The following THSD7A variants were observed in gnomAD, a reference collection of about 807,000 sequenced individuals.
The protein encoded by THSD7A is thrombospondin type-1 domain-containing protein 7A.
A neutral mutation model predicts 231.3 loss-of-function variants in THSD7A; 96 were observed. The observed-to-expected ratio is 0.41, with a 90% CI of 0.35 to 0.49. The LOEUF is 0.49. Ranked by LOEUF, THSD7A falls within the 20% of genes least tolerant of loss-of-function variation. The pLI is 0.05. For missense variants in THSD7A, 2,290 were observed against 2,070.2 expected, an observed-to-expected ratio of 1.11 and a Z score of -2.06; for synonymous variants, 940 against 743.3, an observed-to-expected ratio of 1.26 and a Z score of -4.30.
At chr7:11,484,590 C>G (rs977085954) in intron 6 of THSD7A, among the ~76,000 whole-genome samples, 2 of 151,990 alleles carry the variant, frequency 1.3e-5, no homozygotes, top group Admixed American at 1.3e-4. Context: ...GGGTGTTATC[C>G]GTATCTGTCT....
intron 4 of THSD7A, among the ~76,000 whole-genome samples, chr7:11,577,055 C>A (rs984130685): frequency 6.6e-6 from 1 of 152,164 alleles, no homozygotes; most frequent in Admixed American, 6.5e-5. Context: ...GAAAATTATT[C>A]TCTAATTATC....
At chr7:11,479,795 T>G (rs1253155236) in intron 7 of THSD7A, among the ~76,000 whole-genome samples, 1 of 152,200 alleles carries the variant, frequency 6.6e-6, no homozygotes, top group Non-Finnish European at 1.5e-5. Context: ...TTATACCAGC[T>G]TTTATAAATG....
chr7:11,454,839 G>C (rs944094040), intron 11 of THSD7A, among the ~76,000 whole-genome samples: 1 of 151,916 alleles, frequency 6.6e-6, no homozygotes, highest in Non-Finnish European at 1.5e-5. Flanking sequence ...TTAGAAATTT[G>C]AGTTACCTGT....
intron 1 of THSD7A, among the ~76,000 whole-genome samples, chr7:11,750,335 T>A (rs1392114029): frequency 2.0e-5 from 3 of 151,860 alleles, no homozygotes; most frequent in African/African-American, 7.2e-5. Flanking sequence ...CAGGACGGTA[T>A]CAGTAACATT....
intron 6 of THSD7A, among the ~76,000 whole-genome samples, chr7:11,510,303 G>C (rs1787750230): frequency 6.6e-6 from 1 of 152,146 alleles, no homozygotes; most frequent in African/African-American, 2.4e-5. Flanking sequence ...ACCAAAAAAA[G>C]TCCTGGACCA....
rs1784607996 is a variant in THSD7A, at chr7:11,814,003, TG to T, written c.190+17753del. Reference sequence around the variant, plus strand: ...AATTCTAATACATGTAAAACATGGATGGACTTTGAAAACATGATGCGAAATA... The same window carrying T: ...AATTCTAATACATGTAAAACATGGATGACTTTGAAAACATGATGCGAAATA... On this transcript the variant is annotated intron_variant, in intron 1 of 27. Coordinates refer to ENST00000423059, the MANE Select transcript of THSD7A (RefSeq NM_015204.3). This position sits in a 1 kb window ranked among gnomAD's most constrained non-coding sequence, Gnocchi z 5.1. 6.6e-6 allele frequency among the ~76,000 whole-genome samples: 1 copy of T among 152,130 alleles called. No homozygotes were observed. The highest frequency in any genetic ancestry group is 2.4e-5 in the African/African-American group (1 of 41,432).
In THSD7A at chr7:11,424,794, G is replaced by T. The variant is rs888869947; in HGVS notation, c.3285C>A (p.Asn1095Lys). Residue 1095 changes from asparagine (N) to lysine (K), a missense_variant, in exon 16 of 28, where the codon AAC becomes AAA. Physicochemically the swap from Asn to Lys is moderately conservative, Grantham distance 94. Coordinates refer to ENST00000423059, the MANE Select transcript of THSD7A (RefSeq NM_015204.3). The part of the protein sequence containing the change: ...YEVVPCHSDC[N>K]QYLWVTEPWS... The stretch of plus-strand genomic sequence containing the variant: ...AGGGCTCTGTGACCCATAGGTACTG[G>T]TTGCAGTCACTGTGGCATGGGACAA... 6.2e-7 allele frequency: 1 copy of T among 1,613,954 alleles called. No individual in the cohort carries two copies. The highest frequency in any genetic ancestry group is 8.5e-7 in the Non-Finnish European group (1 of 1,179,876).
intron 1 of THSD7A, among the ~76,000 whole-genome samples, chr7:11,791,063 T>C (rs1241673230): frequency 6.6e-6 from 1 of 151,954 alleles, no homozygotes; most frequent in Non-Finnish European, 1.5e-5. Context: ...AATGTTCTTA[T>C]CCACTGTAAC....
chr7:11,605,181 CATGTATAT>C (rs1363522394), intron 2 of THSD7A, among the ~76,000 whole-genome samples: 2 of 151,918 alleles, frequency 1.3e-5, no homozygotes, highest in Admixed American at 6.6e-5. Context: ...TCTATATGTA[CATGTATAT>C]ATGTATATAT....
intron 1 of THSD7A, among the ~76,000 whole-genome samples, chr7:11,721,757 A>T (rs1392835122): frequency 2.0e-5 from 3 of 151,798 alleles, no homozygotes; most frequent in African/African-American, 4.8e-5. Flanking sequence ...TGGAAAACTG[A>T]TTTTTACATT....
chr7:11,583,281 T>C (rs1791247334), intron 4 of THSD7A, among the ~76,000 whole-genome samples: 1 of 152,138 alleles, frequency 6.6e-6, no homozygotes, highest in Non-Finnish European at 1.5e-5. Context: ...TCTATGTGAT[T>C]TTTTGTTTGT....
At chr7:11,656,714 A>C (rs143781195) in intron 1 of THSD7A, among the ~76,000 whole-genome samples, 1 of 151,830 alleles carries the variant, frequency 6.6e-6, no homozygotes, top group Non-Finnish European at 1.5e-5. Flanking sequence ...TTAAACATCA[A>C]CATATCATTG....
intron 3 of THSD7A, among the ~76,000 whole-genome samples, chr7:11,591,729 G>T (rs1780172805): frequency 6.6e-6 from 1 of 152,174 alleles, no homozygotes; most frequent in South Asian, 2.1e-4. Context: ...TATAAAGGAA[G>T]TGCAGCACTC....
intron 4 of THSD7A, among the ~76,000 whole-genome samples, chr7:11,573,497 A>G (rs1324657201): frequency 2.0e-5 from 3 of 152,180 alleles, no homozygotes; most frequent in African/African-American, 7.2e-5. Flanking sequence ...GATGGAGGCA[A>G]TTTTGAAGCT....
At chr7:11,552,674 T>C (rs926781549) in intron 4 of THSD7A, among the ~76,000 whole-genome samples, 1 of 152,092 alleles carries the variant, frequency 6.6e-6, no homozygotes, top group Non-Finnish European at 1.5e-5. Flanking sequence ...GCTGCAGTCA[T>C]AGAAGCTGGT....
At chr7:11,441,688 T>C (rs1415028224) in intron 13 of THSD7A, among the ~76,000 whole-genome samples, 1 of 151,992 alleles carries the variant, frequency 6.6e-6, no homozygotes, top group Non-Finnish European at 1.5e-5. Flanking sequence ...TAAGATGATA[T>C]TGGTTGATGA....
intron 1 of THSD7A, among the ~76,000 whole-genome samples, chr7:11,706,630 C>CTTTTTTTTGTTTTT (rs1780776840): frequency 1.5e-5 from 1 of 66,420 alleles, no homozygotes; most frequent in Non-Finnish European, 2.7e-5. Flanking sequence ...TAACAAGGTG[C>CTTTTTTTTGTTTTT]TTTTTTTTTT....
chr7:11,480,390 G>A (rs934676091), intron 7 of THSD7A, among the ~76,000 whole-genome samples: 2 of 152,138 alleles, frequency 1.3e-5, no homozygotes, highest in African/African-American at 4.8e-5. Flanking sequence ...TGTCTGCAGA[G>A]TATAATGAAT....
chr7:11,688,385 G>A (rs1428983209), intron 1 of THSD7A, among the ~76,000 whole-genome samples: 1 of 151,780 alleles, frequency 6.6e-6, no homozygotes, highest in East Asian at 1.9e-4. Flanking sequence ...AAGCTCCTCA[G>A]ATATTGTAAA....
Sources: allele counts gnomAD v4.1 joint callset (sites outside exome capture counted in the v4.1 genomes callset), GRCh38; gene constraint gnomAD v4.1.1; non-coding constraint Gnocchi (gnomAD v3.1); transcripts MANE v1.5; gene names NCBI Gene and HGNC (gene_info 2026-07-23, HGNC 2026-07-21).